UVRAG: variants seen among roughly 807,000 people sequenced by gnomAD.
UVRAG encodes UV radiation resistance-associated gene protein.
In UVRAG, 19 loss-of-function variants were observed where a neutral mutation model predicts 78.0. That is an observed-to-expected ratio of 0.24 (90% CI 0.17 to 0.36). UVRAG has a LOEUF of 0.36. Among genes scored for constraint, UVRAG ranks in the 10% least tolerant of loss-of-function variants. The pLI is 1.00. For missense variants in UVRAG, 740 were observed against 853.8 expected, an observed-to-expected ratio of 0.87 and a Z score of 1.66; for synonymous variants, 323 against 324.6, an observed-to-expected ratio of 1.00 and a Z score of 0.05.
intron 12 of UVRAG, among the ~76,000 whole-genome samples, chr11:76,045,017 G>A (rs559386333): frequency 9.2e-5 from 14 of 152,280 alleles, no homozygotes; most frequent in South Asian, 4.1e-4. Flanking sequence ...TGGAGGCCAG[G>A]AGTCTTTGAA....
intron 5 of UVRAG, among the ~76,000 whole-genome samples, chr11:75,910,764 A>G (rs1947719221): frequency 6.6e-6 from 1 of 152,050 alleles, no homozygotes; most frequent in Non-Finnish European, 1.5e-5. Flanking sequence ...AATGACAGAG[A>G]TACCTATTCT....
intron 6 of UVRAG, among the ~76,000 whole-genome samples, chr11:75,956,294 T>C (rs1948796630): frequency 6.6e-6 from 1 of 152,132 alleles, no homozygotes; most frequent in Non-Finnish European, 1.5e-5. Context: ...TGCTGGGTCA[T>C]AGGTTAAATA....
intron 7 of UVRAG, among the ~76,000 whole-genome samples, chr11:75,975,060 G>A (rs1394364337): frequency 6.6e-6 from 1 of 152,176 alleles, no homozygotes; most frequent in African/African-American, 2.4e-5. Flanking sequence ...TTTGTATAAG[G>A]TGTAAGGAAG....
intron 14 of UVRAG, among the ~76,000 whole-genome samples, chr11:76,133,882 C>G (rs1303175829): frequency 2.6e-5 from 4 of 151,332 alleles, no homozygotes; most frequent in Non-Finnish European, 5.9e-5. Context: ...TCACATTGAA[C>G]AGATTAAATC....
chr11:76,126,991 A>G (rs995214308), intron 14 of UVRAG, among the ~76,000 whole-genome samples: 3 of 151,954 alleles, frequency 2.0e-5, no homozygotes, highest in Admixed American at 6.6e-5. Context: ...ATCAAATACA[A>G]CCTCCTCTGA....
At chr11:75,999,931 A>T (rs955399349) in intron 8 of UVRAG, among the ~76,000 whole-genome samples, 2 of 152,180 alleles carry the variant, frequency 1.3e-5, no homozygotes, top group African/African-American at 4.8e-5. Flanking sequence ...TCCCATCCCA[A>T]GCATTTCGGA....
At chr11:75,868,295 G>A (rs558343837) in intron 3 of UVRAG, among the ~76,000 whole-genome samples, 1 of 152,330 alleles carries the variant, frequency 6.6e-6, no homozygotes, top group African/African-American at 2.4e-5. Context: ...AGGTGTTCAA[G>A]AAATGGCTAA....
chr11:75,886,577 T>A (rs1356813966), intron 4 of UVRAG, among the ~76,000 whole-genome samples: 1 of 152,236 alleles, frequency 6.6e-6, no homozygotes, highest in Non-Finnish European at 1.5e-5. Context: ...TGAGATTGAT[T>A]TATAGTTTTT....
chr11:75,946,008 T>C (rs1446027345), intron 6 of UVRAG, among the ~76,000 whole-genome samples: 2 of 152,172 alleles, frequency 1.3e-5, no homozygotes, highest in East Asian at 1.9e-4. Context: ...AATGCTGTTA[T>C]GATTGTTTAC....
Position 76,143,897 on chromosome 11 carries a change from T to C in UVRAG, c.*2484T>C, listed in dbSNP as rs1952764133. Among the ~76,000 whole-genome samples the C allele has an allele frequency of 6.6e-6, 1 of 152,260 alleles. No individual in the cohort carries two copies. Among genetic ancestry groups the C allele is most frequent in the South Asian group, 2.1e-4 (1 of 4,836 alleles). ...TCATTACTATCTATTTCTGAACTGC[T>C]AAGAACCCTTTCAGTTTTCTTACAG... is the stretch of plus-strand genomic sequence containing the variant. On this transcript the variant is annotated 3_prime_UTR_variant, in exon 15 of 15. Coordinates refer to ENST00000356136, the MANE Select transcript of UVRAG (RefSeq NM_003369.4).
chr11:76,023,342 A>G (rs999879181), intron 12 of UVRAG, among the ~76,000 whole-genome samples: 12 of 152,114 alleles, frequency 7.9e-5, no homozygotes, highest in African/African-American at 2.7e-4. Context: ...TACATTCCCC[A>G]CTATACTTGG....
At chr11:75,858,017 T>G (rs1408722866) in intron 2 of UVRAG, among the ~76,000 whole-genome samples, 1 of 152,190 alleles carries the variant, frequency 6.6e-6, no homozygotes, top group Non-Finnish European at 1.5e-5. Context: ...GTAAACTCTA[T>G]GAAGGCAGAG....
intron 7 of UVRAG, among the ~76,000 whole-genome samples, chr11:75,966,992 C>T (rs574505690): frequency 3.5e-4 from 54 of 152,242 alleles, no homozygotes; most frequent in African/African-American, 1.1e-3. Flanking sequence ...TCCCTGGTTC[C>T]TCTGGTCAGA....
chr11:76,022,910 A>G (rs1031824229), intron 12 of UVRAG, among the ~76,000 whole-genome samples: 12 of 151,228 alleles, frequency 7.9e-5, no homozygotes, highest in African/African-American at 2.2e-4. Context: ...TTCCTTTCTC[A>G]TTTCCTTTTC....
At chr11:75,974,557 G>A (rs1455352784) in intron 7 of UVRAG, among the ~76,000 whole-genome samples, 1 of 151,068 alleles carries the variant, frequency 6.6e-6, no homozygotes, top group Non-Finnish European at 1.5e-5. Context: ...TAGTAGAGAT[G>A]GGGTTTCACC....
At chr11:75,933,670 C>A (rs1432399492) in intron 6 of UVRAG, among the ~76,000 whole-genome samples, 3 of 152,116 alleles carry the variant, frequency 2.0e-5, no homozygotes, top group Admixed American at 2.0e-4. Context: ...ATCTAATAAT[C>A]CGATTTAAAA....
At chr11:75,951,439 A>G (rs1346260207) in intron 6 of UVRAG, among the ~76,000 whole-genome samples, 2 of 151,484 alleles carry the variant, frequency 1.3e-5, no homozygotes, top group African/African-American at 2.4e-5. Flanking sequence ...CTGGAGTACA[A>G]TGGTGCGATC....
At chr11:75,891,378 G>A (rs1419027642) in intron 5 of UVRAG, among the ~76,000 whole-genome samples, 2 of 152,072 alleles carry the variant, frequency 1.3e-5, no homozygotes, top group Admixed American at 6.5e-5. Flanking sequence ...TTCTAATACT[G>A]TTGCAACATT....
At chr11:76,005,426 C>T (rs564110484) in intron 9 of UVRAG, among the ~76,000 whole-genome samples, 10 of 152,294 alleles carry the variant, frequency 6.6e-5, no homozygotes, top group African/African-American at 1.9e-4. Context: ...GAAGTCAATG[C>T]TCTGGTAAGT....
Sources: allele counts gnomAD v4.1 joint callset (sites outside exome capture counted in the v4.1 genomes callset), GRCh38; gene constraint gnomAD v4.1.1; transcripts MANE v1.5; gene names NCBI Gene and HGNC (gene_info 2026-07-23, HGNC 2026-07-21).